Variants in CLCN5 observed in about 807,000 individuals in gnomAD.
The protein encoded by CLCN5 is H(+)/Cl(-) exchange transporter 5.
CLCN5 carries 17 observed loss-of-function variants against 54.0 expected under a neutral mutation model. That is an observed-to-expected ratio of 0.31 (90% CI 0.22 to 0.47). The LOEUF is 0.47. CLCN5 is among the 20% of genes least tolerant of loss of function. CLCN5 has a pLI of 1.00. For synonymous variants in CLCN5, 222 were observed against 233.0 expected (o/e 0.95, Z 0.43); for missense variants, 448 against 646.7 (o/e 0.69, Z 3.33).
chrX:49,929,796 A>G (rs1307924610), intron 3 of CLCN5, among the ~76,000 whole-genome samples: 9 of 84,780 alleles, frequency 1.1e-4, no homozygotes, highest in African/African-American at 4.9e-4. Context: ...TTTTTTTTGG[A>G]GAAGGCGATG....
Position 49,986,589 on chromosome X carries a change from T to C in CLCN5, c.17-55727T>C, listed in dbSNP as rs1447784821. The stretch of plus-strand genomic sequence containing the variant: ...CTTTCAATCTTTATGTTAGCAGATA[T>C]GATATTTAGCACATTCATAAGTTGT... On this transcript the variant is annotated intron_variant, in intron 3 of 14. Transcript: ENST00000376091. Among the ~76,000 whole-genome samples, 3 of 112,032 alleles carry C rather than the reference T, an allele frequency of 2.7e-5. No homozygotes were observed. The Admixed American group carries it at 2.8e-4, about 11-fold the overall frequency.
chrX:49,927,483 G>T (rs1230803495), intron 3 of CLCN5, among the ~76,000 whole-genome samples: 1 of 111,914 alleles, frequency 8.9e-6, no homozygotes, highest in African/African-American at 3.3e-5. Context: ...AGCAAAGTAC[G>T]ATGATAGTTT....
At chrX:50,042,144 T>C (rs1437716591) in intron 3 of CLCN5, among the ~76,000 whole-genome samples, 172 bp from the exon 4 acceptor site, 1 of 112,083 alleles carries the variant, frequency 8.9e-6, no homozygotes, top group Non-Finnish European at 1.9e-5. Flanking sequence ...GTACAGAATT[T>C]CTGTTTGGGA....
intron 3 of CLCN5, among the ~76,000 whole-genome samples, chrX:49,936,140 T>C (rs1334672985): frequency 8.9e-6 from 1 of 111,899 alleles, no homozygotes; most frequent in Non-Finnish European, 1.9e-5. Flanking sequence ...TAGTGATGCT[T>C]ATAGGTCTTC....
At chrX:50,086,089 C>T (rs1933874934) in intron 10 of CLCN5, 29 bp downstream of exon 10, 2 of 1,090,518 alleles carry the variant, frequency 1.8e-6, no homozygotes, top group Admixed American at 2.2e-5. Flanking sequence ...ACAGCATGTG[C>T]ATGCTTTTGT....
At position 50,060,128 on chromosome X, in the gene CLCN5, G is replaced by C. The variant is rs139964326; in HGVS notation, c.164-9751G>C. Among the ~76,000 whole-genome samples, 775 of 108,887 alleles carry C rather than the reference G, an allele frequency of 7.1e-3. 12 individuals are homozygous for C. The highest frequency in any genetic ancestry group is 0.025 in the African/African-American group (753 of 29,864). 94.6% of individuals were successfully genotyped at this position (108,887 alleles called of 115,157 possible). ...GACATACTTTTCTAAAAGTTTAATG[G>C]AATAAGACAGTCACGGGGGGAGGAG... On this transcript the variant is annotated intron_variant, in intron 4 of 14. Transcript: ENST00000376091.
In CLCN5 at chrX:50,086,659, T is replaced by A; in HGVS notation, c.1346T>A (p.Met449Lys). 1 of 1,210,595 alleles carries A rather than the reference T, an allele frequency of 8.3e-7. No homozygotes were observed. The highest frequency in any genetic ancestry group is 1.1e-6 in the Non-Finnish European group (1 of 895,182). Residue 449 changes from methionine (M) to lysine (K), a missense_variant, in exon 11 of 15, where the codon ATG becomes AAG. Met to Lys is a moderately conservative substitution (Grantham distance 95). This residue lies in a region of CLCN5 where 297 missense variants were observed against 470.4 expected (regional missense o/e 0.63). Transcript: ENST00000376091. ...GCTTTCCCCAATGAATACACTCGGA[T>A]GAGCACAAGTGAGCTCATTTCTGAG... is the stretch of plus-strand genomic sequence containing the variant. ...ILAFPNEYTR[M>K]STSELISELF...
At position 50,083,233 on chromosome X, in the gene CLCN5, C is replaced by T. The variant is rs947250220; in HGVS notation, c.933+1386C>T. ...ATTAACCACAAGACCCAGAAGGAAA[C>T]TCAAAGATATTGAGATTTCAAATAT... On this transcript the variant is annotated intron_variant, in intron 9 of 14. Coordinates refer to ENST00000376091, the MANE Select transcript of CLCN5 (RefSeq NM_001127898.4). 2.2e-4 allele frequency among the ~76,000 whole-genome samples: 24 copies of T among 107,813 alleles called. No individual in the cohort carries two copies. In the East Asian group the frequency reaches 6.9e-3, roughly 31 times the overall value. 93.6% of individuals were successfully genotyped at this position (107,813 alleles called of 115,157 possible). A position where few individuals can be genotyped will look rare whatever the true frequency, so the allele number is the denominator to read the frequency against.
intron 3 of CLCN5, among the ~76,000 whole-genome samples, chrX:50,030,022 C>A (rs782133583): frequency 4.9e-4 from 55 of 112,040 alleles, no homozygotes; most frequent in Non-Finnish European, 8.5e-4. Context: ...TTGTAGAAGA[C>A]CAAAATCTAC....
chrX:49,948,229 T>C (rs1926857075), intron 3 of CLCN5, among the ~76,000 whole-genome samples: 1 of 108,852 alleles, frequency 9.2e-6, no homozygotes, highest in East Asian at 2.9e-4. Flanking sequence ...AAAAATAATA[T>C]AGATGCATCT....
chrX:49,991,430 GTGCA>G (rs1929256910), intron 3 of CLCN5, among the ~76,000 whole-genome samples: 1 of 111,747 alleles, frequency 8.9e-6, no homozygotes, highest in Non-Finnish European at 1.9e-5. Flanking sequence ...TTCGAGTTCT[GTGCA>G]GATTTTGTAT....
At chrX:49,938,417 T>G (rs1194698586) in intron 3 of CLCN5, among the ~76,000 whole-genome samples, 4 of 111,439 alleles carry the variant, frequency 3.6e-5, no homozygotes, top group Non-Finnish European at 5.7e-5. Context: ...ACCAAAACAG[T>G]ATGGTACTGG....
chrX:49,924,491 G>C (rs1925240117), intron 2 of CLCN5, among the ~76,000 whole-genome samples: 1 of 112,048 alleles, frequency 8.9e-6, no homozygotes, highest in African/African-American at 3.2e-5. Flanking sequence ...TATTGTCCTA[G>C]GACTGGATTT....
At chrX:50,008,400 C>T in intron 3 of CLCN5, 1 of 326,061 alleles carries the variant, frequency 3.1e-6, no homozygotes, top group Non-Finnish European at 6.5e-6. Flanking sequence ...AATGAGCCCT[C>T]TCACTGAACA....
At chrX:49,988,673 C>G (rs1402391595) in intron 3 of CLCN5, among the ~76,000 whole-genome samples, 1 of 111,877 alleles carries the variant, frequency 8.9e-6, no homozygotes, top group Non-Finnish European at 1.9e-5. Context: ...CAATAAAAAT[C>G]ATTAGAAGAA....
chrX:49,935,155 T>G (rs1925876560), intron 3 of CLCN5, among the ~76,000 whole-genome samples: 1 of 111,995 alleles, frequency 8.9e-6, no homozygotes, highest in African/African-American at 3.3e-5. Flanking sequence ...TGTACCACCA[T>G]GGACCCAGAT....
intron 3 of CLCN5, among the ~76,000 whole-genome samples, chrX:49,928,684 G>A (rs1557168395): frequency 8.9e-6 from 1 of 111,868 alleles, no homozygotes; most frequent in African/African-American, 3.3e-5. Flanking sequence ...CCAGCACTTT[G>A]TGAGGCCGAG....
chrX:50,053,444 T>C (rs781860426), intron 4 of CLCN5, among the ~76,000 whole-genome samples: 1 of 111,492 alleles, frequency 9.0e-6, no homozygotes, highest in South Asian at 3.8e-4. Flanking sequence ...TGGATAGTAG[T>C]CTATCAATTT....
At chrX:49,972,463 A>G (rs1557176373) in intron 3 of CLCN5, among the ~76,000 whole-genome samples, 2 of 111,746 alleles carry the variant, frequency 1.8e-5, no homozygotes, top group Non-Finnish European at 1.9e-5. Context: ...TGTGCGATAA[A>G]AAGTTATGAA....
Sources: allele counts gnomAD v4.1 joint callset (sites outside exome capture counted in the v4.1 genomes callset), GRCh38; gene constraint gnomAD v4.1.1; regional missense constraint gnomAD v4.1.1; transcripts MANE v1.5; gene names NCBI Gene and HGNC (gene_info 2026-07-23, HGNC 2026-07-21).